The following RPTOR variants were observed in gnomAD, a reference collection of about 807,000 sequenced individuals.
RPTOR encodes regulatory associated protein of MTOR complex 1, also known as regulatory-associated protein of mTOR.
In RPTOR, 21 loss-of-function variants were observed where a neutral mutation model predicts 169.9. That is an observed-to-expected ratio of 0.12 (90% CI 0.09 to 0.18). The LOEUF is 0.18. RPTOR is among the 10% of genes least tolerant of loss of function. RPTOR has a pLI of 1.00. For missense variants in RPTOR, 1,133 were observed against 1,855.9 expected (o/e 0.61, Z 7.16); for synonymous variants, 732 against 753.2 (o/e 0.97, Z 0.46).
Position 80,549,145 on chromosome 17 carries a change from C to T in RPTOR, c.162+3354C>T, listed in dbSNP as rs140422406. 8.1e-3 allele frequency among the ~76,000 whole-genome samples: 1,233 copies of T among 152,260 alleles called. 15 individuals are homozygous for T. Among genetic ancestry groups the T allele is most frequent in the African/African-American group, 0.028 (1,149 of 41,560 alleles). ...TTGAATCAGTCTTGGTTTTCAAATG[C>T]CACTTTTACCACATTTTAATTTCTA... On this transcript the variant is annotated intron_variant, in intron 1 of 33. Transcript: ENST00000306801.
At chr17:80,765,101 C>T (rs896048172) in intron 6 of RPTOR, among the ~76,000 whole-genome samples, 9 of 152,152 alleles carry the variant, frequency 5.9e-5, no homozygotes, top group African/African-American at 2.2e-4. Flanking sequence ...AGATGAAAAA[C>T]AAAATGAAGA....
intron 9 of RPTOR, among the ~76,000 whole-genome samples, chr17:80,837,161 G>T (rs1391870955): frequency 6.6e-6 from 1 of 152,144 alleles, no homozygotes; most frequent in Non-Finnish European, 1.5e-5. Context: ...GGACAGTGTG[G>T]TCGGTTACTG....
intron 7 of RPTOR, among the ~76,000 whole-genome samples, chr17:80,818,593 A>G (rs180795908): frequency 3.5e-4 from 54 of 152,300 alleles, no homozygotes; most frequent in Middle Eastern, 3.4e-3. Flanking sequence ...TGTCACCCCC[A>G]GTAGGACCAG....
intron 3 of RPTOR, among the ~76,000 whole-genome samples, chr17:80,656,829 A>G (rs2055567187): frequency 6.6e-6 from 1 of 152,206 alleles, no homozygotes; most frequent in Non-Finnish European, 1.5e-5. Context: ...CCTCTAGTTG[A>G]CAGAGCTGTT....
chr17:80,952,016 G>A (rs548382639), intron 28 of RPTOR, among the ~76,000 whole-genome samples: 56 of 152,324 alleles, frequency 3.7e-4, no homozygotes, highest in African/African-American at 1.1e-3. Flanking sequence ...ACGCCGGCTC[G>A]GCACTCACCC....
At chr17:80,685,623 ATATATT>A (rs1211280588) in intron 3 of RPTOR, among the ~76,000 whole-genome samples, 5 of 26,628 alleles carry the variant, frequency 1.9e-4, no homozygotes, top group African/African-American at 8.1e-4. Flanking sequence ...ATATATATAT[ATATATT>A]TTTTTTTTTT....
At chr17:80,639,575 C>G (rs1275576961) in intron 2 of RPTOR, among the ~76,000 whole-genome samples, 4 of 152,186 alleles carry the variant, frequency 2.6e-5, no homozygotes, top group Non-Finnish European at 5.9e-5. Context: ...AAATGGAGCA[C>G]ACAGCCCGCA....
At chr17:80,574,388 G>A (rs2064940684) in intron 1 of RPTOR, among the ~76,000 whole-genome samples, 1 of 148,906 alleles carries the variant, frequency 6.7e-6, no homozygotes, top group Non-Finnish European at 1.5e-5. Flanking sequence ...GGATGGTCTC[G>A]ATCTCCTGAC....
Position 80,719,330 on chromosome 17 carries a change from T to C in RPTOR, c.508-11230T>C, listed in dbSNP as rs531800034. Among the ~76,000 whole-genome samples, 3 of 152,278 alleles carry C rather than the reference T, an allele frequency of 2.0e-5. No homozygotes were observed. In the South Asian group the frequency reaches 6.2e-4, roughly 32 times the overall value. ...TTGATATCCATTATTCCAAGGAGTC[T>C]GGCCCTTTAGCAAGAAGAGCACTTT... On this transcript the variant is annotated intron_variant, in intron 4 of 33. Coordinates refer to ENST00000306801, the MANE Select transcript of RPTOR (RefSeq NM_020761.3).
At chr17:80,887,782 C>T (rs1362373824) in intron 17 of RPTOR, among the ~76,000 whole-genome samples, 2 of 152,344 alleles carry the variant, frequency 1.3e-5, no homozygotes, top group East Asian at 1.9e-4. Context: ...GGGGTGATAA[C>T]GATGGCCGAG....
chr17:80,841,165 ACTCT>A (rs1567942916), intron 10 of RPTOR, among the ~76,000 whole-genome samples: 2 of 120,310 alleles, frequency 1.7e-5, no homozygotes, highest in Non-Finnish European at 3.3e-5. Context: ...ACGGCAGCTC[ACTCT>A]CACCGCACGG....
In RPTOR at chr17:80,830,855, A is replaced by G. The variant is rs528875645; in HGVS notation, c.1137-7067A>G. Among the ~76,000 whole-genome samples the G allele has an allele frequency of 2.2e-4, 33 of 151,906 alleles. No homozygotes were observed. The East Asian group carries it at 3.7e-3, about 17-fold the overall frequency. On this transcript the variant is annotated intron_variant, in intron 9 of 33. Transcript: ENST00000306801. ...AGCCTCAACCTCCCAGGGTCAAGCA[A>G]TCCTCTCACGTCAGACCCCCAAGTA...
At chr17:80,933,711 C>T (rs563934085) in intron 24 of RPTOR, among the ~76,000 whole-genome samples, 1 of 152,354 alleles carries the variant, frequency 6.6e-6, no homozygotes, top group Non-Finnish European at 1.5e-5. Flanking sequence ...TCAAAACTTA[C>T]TACATAGCTG....
At chr17:80,944,749 G>A (rs1327163094) in intron 25 of RPTOR, among the ~76,000 whole-genome samples, 1 of 152,226 alleles carries the variant, frequency 6.6e-6, no homozygotes, top group Non-Finnish European at 1.5e-5. Flanking sequence ...CCAGCACTTT[G>A]AGAAGCCAAG....
Position 80,644,307 on chromosome 17 carries a change from G to A in RPTOR, c.348+497G>A, listed in dbSNP as rs1564869. Among the ~76,000 whole-genome samples the A allele has an allele frequency of 1.4e-3, 150 of 109,154 alleles. 2 individuals carry two copies. The highest frequency in any genetic ancestry group is 4.8e-3 in the Middle Eastern group (1 of 210). The allele number at this position is 109,154 out of a possible 152,430, so 71.6% of individuals were successfully genotyped here. A position where few individuals can be genotyped will look rare whatever the true frequency, so the allele number is the denominator to read the frequency against. On this transcript the variant is annotated intron_variant, in intron 3 of 33. Coordinates refer to ENST00000306801, the MANE Select transcript of RPTOR (RefSeq NM_020761.3). ...GAGCCAGTTACCAATTAGTGTGTGG[G>A]TTTTTTTTTTTTTTTTTTTGGCTTA...
At position 80,730,763 on chromosome 17, in the gene RPTOR, G is replaced by A. The variant is rs2066384618; in HGVS notation, c.654+57G>A. The A allele has an allele frequency of 1.4e-6, 2 of 1,468,094 alleles. No homozygotes were observed. The highest frequency in any genetic ancestry group is 1.9e-6 in the Non-Finnish European group (2 of 1,063,834). The allele number at this position is 1,468,094 out of a possible 1,614,324, so 90.9% of individuals were successfully genotyped here. A position where few individuals can be genotyped will look rare whatever the true frequency, so the allele number is the denominator to read the frequency against. On this transcript the variant is annotated intron_variant, in intron 5 of 33. Coordinates refer to ENST00000306801, the MANE Select transcript of RPTOR (RefSeq NM_020761.3). This position sits in a 1 kb window ranked among gnomAD's most constrained non-coding sequence, Gnocchi z 4.2. ...GGGTTTGGTTTTGTTTTCCCTGGGGGTGGGGTTTGGGTGGGGAGGTTGGGA... is the reference window on the plus strand; with the variant it reads ...GGGTTTGGTTTTGTTTTCCCTGGGGATGGGGTTTGGGTGGGGAGGTTGGGA...
At chr17:80,677,383 T>A (rs1415088886) in intron 3 of RPTOR, among the ~76,000 whole-genome samples, 1 of 152,208 alleles carries the variant, frequency 6.6e-6, no homozygotes, top group East Asian at 1.9e-4. Flanking sequence ...TAGGTTTCAT[T>A]TGAGAGGGAT....
At chr17:80,806,841 C>G (rs1412247749) in intron 7 of RPTOR, among the ~76,000 whole-genome samples, 4 of 151,950 alleles carry the variant, frequency 2.6e-5, no homozygotes, top group Non-Finnish European at 5.9e-5. Context: ...ATACATATAT[C>G]TTAACAGCCT....
intron 3 of RPTOR, among the ~76,000 whole-genome samples, chr17:80,700,706 GTGA>G (rs1567864603): frequency 7.5e-4 from 20 of 26,610 alleles, no homozygotes; most frequent in Non-Finnish European, 1.2e-3. Context: ...GATGGTGGTG[GTGA>G]TGGTGGTGGT....
Sources: gnomAD v4.1 joint callset for allele counts (sites outside exome capture counted in the v4.1 genomes callset) on GRCh38, gnomAD v4.1.1 for gene constraint, Gnocchi (gnomAD v3.1) non-coding constraint, MANE v1.5 for transcripts, NCBI Gene and HGNC (gene_info 2026-07-23, HGNC 2026-07-21) for gene names.